The following ERBB4 variants were observed in gnomAD, a reference collection of about 807,000 sequenced individuals.
ERBB4 encodes erb-b2 receptor tyrosine kinase 4, also known as receptor tyrosine-protein kinase erbB-4.
A neutral mutation model predicts 158.0 loss-of-function variants in ERBB4; 42 were observed. The ratio of observed to expected loss-of-function variants is 0.27; its 90% CI spans 0.21 to 0.34. The LOEUF (loss-of-function observed/expected upper bound fraction) is 0.34. Ranked by LOEUF, ERBB4 falls within the 10% of genes least tolerant of loss-of-function variation. The probability of loss-of-function intolerance (pLI) is 1.00; values close to 1 mark genes in which losing one functional copy is unlikely to be tolerated. For missense variants in ERBB4, 1,333 were observed against 1,624.1 expected (o/e 0.82, Z 3.08); for synonymous variants, 583 against 558.7 (o/e 1.04, Z -0.61).
chr2:212,299,331 A>T (rs2086535762), intron 1 of ERBB4, among the ~76,000 whole-genome samples: 1 of 151,724 alleles, frequency 6.6e-6, no homozygotes, highest in African/African-American at 2.4e-5. Flanking sequence ...ATGCTGGCCA[A>T]TCCCTTTTTG....
chr2:212,002,643 C>T (rs920437602), intron 2 of ERBB4, among the ~76,000 whole-genome samples: 1 of 151,980 alleles, frequency 6.6e-6, no homozygotes, highest in Admixed American at 6.6e-5. Context: ...GATGATGATA[C>T]AAATAGAAGA....
intron 1 of ERBB4, among the ~76,000 whole-genome samples, chr2:212,305,845 C>A (rs1224160912): frequency 2.6e-5 from 4 of 151,310 alleles, no homozygotes. Flanking sequence ...AGTACACAAA[C>A]TTAATGAATT....
chr2:212,127,360 AG>A (rs2079966340), intron 1 of ERBB4, among the ~76,000 whole-genome samples: 2 of 152,184 alleles, frequency 1.3e-5, no homozygotes, highest in South Asian at 4.1e-4. Flanking sequence ...TGGGAGGCCA[AG>A]GTGGGCGGAT....
chr2:211,528,324 T>A (rs374183400), intron 20 of ERBB4, among the ~76,000 whole-genome samples: 4 of 151,968 alleles, frequency 2.6e-5, no homozygotes, highest in East Asian at 1.9e-4. Flanking sequence ...CATAAATATA[T>A]ATGTACTCAA....
chr2:212,474,507 C>A (rs2106130823), intron 1 of ERBB4, among the ~76,000 whole-genome samples: 1 of 152,188 alleles, frequency 6.6e-6, no homozygotes, highest in African/African-American at 2.4e-5. Context: ...GGCACAGAAA[C>A]AACTTGTCCC....
At chr2:211,953,954 A>G (rs1485841240) in intron 2 of ERBB4, among the ~76,000 whole-genome samples, 3 of 152,088 alleles carry the variant, frequency 2.0e-5, no homozygotes, top group Non-Finnish European at 4.4e-5. Flanking sequence ...ATAAACCTGG[A>G]ATTTTCAATG....
chr2:211,772,826 T>TACATACAC (rs1559504124), intron 4 of ERBB4, among the ~76,000 whole-genome samples: 1 of 12,392 alleles, frequency 8.1e-5, no homozygotes, highest in African/African-American at 5.2e-4. Flanking sequence ...TATATATATA[T>TACATACAC]ATATATATAC....
intron 20 of ERBB4, among the ~76,000 whole-genome samples, chr2:211,511,231 T>C (rs1009448470): frequency 6.6e-6 from 1 of 152,126 alleles, no homozygotes; most frequent in Non-Finnish European, 1.5e-5. Context: ...ATATATCCCT[T>C]CTTATATATT....
At chr2:211,944,143 C>G (rs1373218093) in intron 3 of ERBB4, among the ~76,000 whole-genome samples, 1 of 96,294 alleles carries the variant, frequency 1.0e-5, no homozygotes, top group Non-Finnish European at 2.2e-5. Context: ...GTACACTATA[C>G]ATATACACTA....
chr2:212,340,189 C>G (rs756830038), intron 1 of ERBB4, among the ~76,000 whole-genome samples: 1 of 151,972 alleles, frequency 6.6e-6, no homozygotes, highest in African/African-American at 2.4e-5. Flanking sequence ...TTGAGAGCCA[C>G]CACACCCAGT....
rs564446901 is a variant in ERBB4, at chr2:211,722,365, A to G, written c.883+28T>C. Reference sequence around the variant, plus strand: ...TTGATTTCAAATAATGACCTAATTAATTTGGTTATTCTTATTCTGTTACTT... The same window carrying G: ...TTGATTTCAAATAATGACCTAATTAGTTTGGTTATTCTTATTCTGTTACTT... On this transcript the variant is annotated intron_variant, in intron 7 of 27. Transcript: ENST00000342788. 1.9e-5 allele frequency: 30 copies of G among 1,574,270 alleles called. No homozygotes were observed. In the South Asian group the frequency reaches 3.1e-4, roughly 16 times the overall value.
chr2:211,795,295 G>A (rs925756580), intron 3 of ERBB4, among the ~76,000 whole-genome samples: 2 of 151,720 alleles, frequency 1.3e-5, no homozygotes, highest in African/African-American at 4.8e-5. Context: ...CAAAGCAAAG[G>A]TGGGCCTTGT....
At chr2:211,525,764 G>A (rs73985475) in intron 20 of ERBB4, among the ~76,000 whole-genome samples, 3,708 of 152,200 alleles carry the variant, frequency 0.024, 151 homozygotes, top group African/African-American at 0.084. Context: ...AGAGCTGACC[G>A]AAGAGCTTTG....
intron 2 of ERBB4, among the ~76,000 whole-genome samples, chr2:212,121,291 G>A (rs2079740502): frequency 6.6e-6 from 1 of 152,164 alleles, no homozygotes; most frequent in South Asian, 2.1e-4. Context: ...GAGTGCAGTG[G>A]TGTGATCTCA....
At chr2:211,773,768 G>GTA (rs1322348021) in intron 4 of ERBB4, among the ~76,000 whole-genome samples, 1 of 148,926 alleles carries the variant, frequency 6.7e-6, no homozygotes, top group Non-Finnish European at 1.5e-5. Flanking sequence ...TTTATGTGAA[G>GTA]TATATATATA....
intron 2 of ERBB4, among the ~76,000 whole-genome samples, chr2:212,003,643 A>G (rs915254317): frequency 2.0e-5 from 3 of 152,208 alleles, no homozygotes; most frequent in African/African-American, 7.2e-5. Flanking sequence ...AAATAAAATA[A>G]TAAAAATATT....
chr2:211,667,470 C>T (rs1027332542), intron 14 of ERBB4, among the ~76,000 whole-genome samples: 1 of 150,888 alleles, frequency 6.6e-6, no homozygotes, highest in African/African-American at 2.4e-5. Context: ...CCTATAAAAC[C>T]TAATCCTGAT....
intron 10 of ERBB4, among the ~76,000 whole-genome samples, chr2:211,704,869 A>G (rs75063594): frequency 1.3e-5 from 2 of 152,202 alleles, no homozygotes; most frequent in Non-Finnish European, 2.9e-5. Flanking sequence ...ATCTTTAAAA[A>G]TAACATGAGT....
chr2:212,238,029 T>C (rs915898019), intron 1 of ERBB4, among the ~76,000 whole-genome samples: 1 of 152,182 alleles, frequency 6.6e-6, no homozygotes, highest in Non-Finnish European at 1.5e-5. Context: ...GGGGGTAGGA[T>C]CCGCTGAGCT....
Sources: gnomAD v4.1 joint callset for allele counts (sites outside exome capture counted in the v4.1 genomes callset) on GRCh38, gnomAD v4.1.1 for gene constraint, MANE v1.5 for transcripts, NCBI Gene and HGNC (gene_info 2026-07-23, HGNC 2026-07-21) for gene names.